Variants in ANKRD26 observed in about 807,000 individuals in gnomAD.
ANKRD26 encodes the protein ankyrin repeat domain-containing protein 26.
ANKRD26 carries 141 observed loss-of-function variants against 208.7 expected under a neutral mutation model. The ratio of observed to expected loss-of-function variants is 0.68; its 90% CI spans 0.59 to 0.78. The LOEUF (loss-of-function observed/expected upper bound fraction) is 0.78. ANKRD26 is among the 30% of genes least tolerant of loss of function. The pLI, the probability that ANKRD26 is intolerant of heterozygous loss-of-function variation, is 0.00. For missense variants in ANKRD26, 1,889 were observed against 1,938.7 expected, an observed-to-expected ratio of 0.97 and a Z score of 0.48; for synonymous variants, 636 against 660.4, an observed-to-expected ratio of 0.96 and a Z score of 0.57.
At chr10:26,971,974 G>A (rs967657255), downstream of ANKRD26, among the ~76,000 whole-genome samples, 8 of 152,052 alleles carry the variant, frequency 5.3e-5, no homozygotes, top group African/African-American at 1.4e-4. Context: ...AGTGGCTCAC[G>A]CCTGTAATCC....
At chr10:27,041,407 G>C (rs1035946468) in intron 20 of ANKRD26, among the ~76,000 whole-genome samples, 2 of 152,112 alleles carry the variant, frequency 1.3e-5, no homozygotes, top group Admixed American at 1.3e-4. Flanking sequence ...CAGGAAGAGT[G>C]TTCATTCCCA....
chr10:27,028,705 T>C (rs2053762314), intron 27 of ANKRD26, 147 bp downstream of exon 27: 3 of 667,706 alleles, frequency 4.5e-6, no homozygotes, highest in East Asian at 2.8e-5. Context: ...TATCTCATTA[T>C]GTATGTACAA....
chr10:26,960,531 A>G, the ANKRD26 span, among the ~76,000 whole-genome samples: 1 of 152,246 alleles, frequency 6.6e-6, no homozygotes, highest in Non-Finnish European at 1.5e-5. Flanking sequence ...TCACCCAGCC[A>G]GGCTCTGCCC....
chr10:27,082,956 A>G, intron 5 of ANKRD26, 123 bp from the exon 6 acceptor site: 1 of 1,305,150 alleles, frequency 7.7e-7, no homozygotes, highest in Middle Eastern at 2.8e-4. Context: ...AGACTATAAT[A>G]GAATTAATAT....
chr10:27,051,402 T>G (rs2054655333), intron 16 of ANKRD26: 5 of 1,193,832 alleles, frequency 4.2e-6, no homozygotes, highest in Middle Eastern at 2.5e-4. Flanking sequence ...TCTTTTTGGA[T>G]CACTATACTG....
At chr10:27,052,938 C>G (rs186658541) in intron 16 of ANKRD26, among the ~76,000 whole-genome samples, 1 of 152,214 alleles carries the variant, frequency 6.6e-6, no homozygotes, top group African/African-American at 2.4e-5. Flanking sequence ...TAAGATGAAT[C>G]CAACTCAGTG....
At chr10:27,012,394 T>TAA (rs34704508) in intron 32 of ANKRD26, among the ~76,000 whole-genome samples, 2 of 142,204 alleles carry the variant, frequency 1.4e-5, no homozygotes, top group Admixed American at 7.1e-5. Flanking sequence ...CTCTAGGGAC[T>TAA]AAAAAAAAAA....
chr10:27,059,188 A>C (rs1357228502), intron 15 of ANKRD26, among the ~76,000 whole-genome samples: 1 of 152,208 alleles, frequency 6.6e-6, no homozygotes, highest in Non-Finnish European at 1.5e-5. Context: ...TGCTGGGCTA[A>C]CAGGTGTGAG....
chr10:27,072,790 C>T (rs1187242680), intron 9 of ANKRD26, among the ~76,000 whole-genome samples: 1 of 152,234 alleles, frequency 6.6e-6, no homozygotes, highest in African/African-American at 2.4e-5. Flanking sequence ...GGTCCTGCAA[C>T]TGTCTATGTG....
At chr10:26,966,932 A>T in the ANKRD26 span, among the ~76,000 whole-genome samples, 1 of 152,214 alleles carries the variant, frequency 6.6e-6, no homozygotes, top group Non-Finnish European at 1.5e-5. Flanking sequence ...AAAGGAAAAA[A>T]AAGCTTTCTT....
At chr10:27,054,638 GACTTA>G (rs760614730) in intron 15 of ANKRD26, among the ~76,000 whole-genome samples, 118 of 152,106 alleles carry the variant, frequency 7.8e-4, no homozygotes, top group Non-Finnish European at 1.4e-3. Context: ...CCTGAGTTGA[GACTTA>G]AAAAGTGAGG....
intron 5 of ANKRD26, among the ~76,000 whole-genome samples, chr10:26,977,556 T>C (rs1235498871): frequency 6.6e-6 from 1 of 152,140 alleles, no homozygotes; most frequent in Admixed American, 6.5e-5. Flanking sequence ...CAGATAAAAA[T>C]ATGCATTTTG....
chr10:27,040,586 G>A (rs756903097), intron 20 of ANKRD26, among the ~76,000 whole-genome samples: 51 of 152,268 alleles, frequency 3.3e-4, no homozygotes, highest in Admixed American at 7.2e-4. Context: ...AGTCTGCAGC[G>A]TGTGCTGAGG....
chr10:26,999,571 A>G (rs1161955467), downstream of ANKRD26, among the ~76,000 whole-genome samples: 1 of 152,126 alleles, frequency 6.6e-6, no homozygotes, highest in Non-Finnish European at 1.5e-5. Flanking sequence ...TGCACCTGCC[A>G]GGTGAAAATA....
chr10:26,948,868 G>A, the ANKRD26 span, among the ~76,000 whole-genome samples: 2 of 152,146 alleles, frequency 1.3e-5, no homozygotes, highest in African/African-American at 4.8e-5. Flanking sequence ...GGTGGTGGTT[G>A]CCTGTAATCC....
chr10:27,094,677 C>A (rs1242370395), intron 1 of ANKRD26, among the ~76,000 whole-genome samples: 2 of 152,172 alleles, frequency 1.3e-5, no homozygotes, highest in African/African-American at 4.8e-5. Flanking sequence ...TGAAATGATA[C>A]AATTATACCT....
chr10:27,057,009 G>A (rs1418110730), intron 15 of ANKRD26, among the ~76,000 whole-genome samples: 1 of 152,014 alleles, frequency 6.6e-6, no homozygotes, highest in Non-Finnish European at 1.5e-5. Flanking sequence ...CTGATTTTTG[G>A]TCACTGACTG....
At chr10:27,078,850 C>CT (rs952548871) in intron 7 of ANKRD26, among the ~76,000 whole-genome samples, 8 of 144,410 alleles carry the variant, frequency 5.5e-5, no homozygotes, top group South Asian at 2.2e-4. Flanking sequence ...CCAGTATATT[C>CT]TTTTTTTTGC....
intron 31 of ANKRD26, among the ~76,000 whole-genome samples, chr10:27,013,895 G>A (rs1237483369): frequency 1.3e-5 from 2 of 152,170 alleles, no homozygotes; most frequent in Non-Finnish European, 2.9e-5. Context: ...CCCTCAGGCT[G>A]ACCAAGGTGT....
Sources: allele counts gnomAD v4.1 joint callset (sites outside exome capture counted in the v4.1 genomes callset), GRCh38; gene constraint gnomAD v4.1.1; transcripts MANE v1.5; gene names NCBI Gene and HGNC (gene_info 2026-07-23, HGNC 2026-07-21).